The following TYW1 variants were observed in gnomAD, a reference collection of about 807,000 sequenced individuals.
The protein encoded by TYW1 is tRNA-yW synthesizing protein 1 homolog.
Under a neutral mutation model 96.2 loss-of-function variants are expected in TYW1, and 46 were observed. The observed-to-expected ratio is 0.48, with a 90% CI of 0.38 to 0.61. The LOEUF (loss-of-function observed/expected upper bound fraction) is 0.61. Ranked by LOEUF, TYW1 falls within the 20% of genes least tolerant of loss-of-function variation. TYW1 has a pLI of 0.00. For missense variants in TYW1, 684 were observed against 909.6 expected, an observed-to-expected ratio of 0.75 and a Z score of 3.19; for synonymous variants, 274 against 323.0, an observed-to-expected ratio of 0.85 and a Z score of 1.63.
At position 67,014,384 on chromosome 7, in the gene TYW1, C is replaced by T; in HGVS notation, c.393C>T (p.Val131=). 1 of 1,607,984 alleles carries T rather than the reference C, an allele frequency of 6.2e-7. No individual in the cohort carries two copies. The highest frequency in any genetic ancestry group is 8.5e-7 in the Non-Finnish European group (1 of 1,176,426). The change falls in exon 5 of 16, where the codon GTC becomes GTT. Residue 131 remains valine (V), a synonymous_variant. Coordinates refer to ENST00000359626, the MANE Select transcript of TYW1 (RefSeq NM_018264.4). ...HLIEEVTSKN[V]CVFLVATYTD... ...TTGGTTAGGTGACTAGTAAAAATGTCTGTGTCTTCCTGGTTGCGACATACA... is the reference window on the plus strand; with the variant it reads ...TTGGTTAGGTGACTAGTAAAAATGTTTGTGTCTTCCTGGTTGCGACATACA...
intron 15 of TYW1, among the ~76,000 whole-genome samples, chr7:67,231,306 A>G (rs975196787): frequency 2.6e-5 from 4 of 152,190 alleles, no homozygotes; most frequent in African/African-American, 9.6e-5. Context: ...AAGTCTCTGC[A>G]GGACACTTAC....
At chr7:67,011,503 C>G (rs549060106) in intron 4 of TYW1, among the ~76,000 whole-genome samples, 1 of 152,322 alleles carries the variant, frequency 6.6e-6, no homozygotes, top group South Asian at 2.1e-4. Context: ...GCTAGAAATG[C>G]AGAATCTCAG....
At chr7:67,219,566 A>T (rs1171372276) in intron 15 of TYW1, among the ~76,000 whole-genome samples, 1 of 152,230 alleles carries the variant, frequency 6.6e-6, no homozygotes, top group Non-Finnish European at 1.5e-5. Context: ...TCTCCGTAAT[A>T]GTTATAAGTC....
intron 6 of TYW1, among the ~76,000 whole-genome samples, chr7:67,018,894 T>C (rs1210187589): frequency 2.7e-5 from 4 of 146,340 alleles, no homozygotes; most frequent in Admixed American, 2.1e-4. Flanking sequence ...AGGTGGAGGT[T>C]CCAGTGATCT....
intron 11 of TYW1, among the ~76,000 whole-genome samples, chr7:67,093,406 G>A (rs1219636382): frequency 6.6e-6 from 1 of 152,156 alleles, no homozygotes. Context: ...CTACCTTCGC[G>A]GTGGAGCTAG....
chr7:67,046,724 G>A (rs1243062260), intron 7 of TYW1, among the ~76,000 whole-genome samples: 3 of 152,144 alleles, frequency 2.0e-5, no homozygotes, highest in African/African-American at 2.4e-5. Context: ...TTTCAGAAAC[G>A]AAATTACTAC....
intron 10 of TYW1, among the ~76,000 whole-genome samples, chr7:67,079,088 TA>T (rs1338251302): frequency 1.3e-5 from 2 of 152,236 alleles, no homozygotes; most frequent in African/African-American, 4.8e-5. Flanking sequence ...TTCAGGGTAA[TA>T]CTGGCCTCGT....
chr7:67,166,470 A>G (rs1465011785), intron 13 of TYW1, among the ~76,000 whole-genome samples: 1 of 151,336 alleles, frequency 6.6e-6, no homozygotes, highest in Admixed American at 6.6e-5. Flanking sequence ...AAATGAACAC[A>G]GCCAGCAAAT....
At chr7:67,197,988 C>T (rs1159273791) in intron 15 of TYW1, among the ~76,000 whole-genome samples, 1 of 142,306 alleles carries the variant, frequency 7.0e-6, no homozygotes, top group Non-Finnish European at 1.5e-5. Flanking sequence ...TACACGTGCA[C>T]GCATCGTCTT....
At chr7:67,142,184 C>T (rs1041562808) in intron 13 of TYW1, among the ~76,000 whole-genome samples, 4 of 152,000 alleles carry the variant, frequency 2.6e-5, no homozygotes, top group Non-Finnish European at 5.9e-5. Flanking sequence ...CAGCCTTGAA[C>T]CCCTGGGCTC....
intron 13 of TYW1, among the ~76,000 whole-genome samples, chr7:67,167,959 T>G (rs1454474249): frequency 1.3e-5 from 2 of 152,088 alleles, no homozygotes; most frequent in African/African-American, 4.8e-5. Flanking sequence ...TTCACCATCT[T>G]GGCCAGGCTT....
intron 12 of TYW1, among the ~76,000 whole-genome samples, chr7:67,110,684 T>A (rs1797376743): frequency 6.6e-6 from 1 of 152,206 alleles, no homozygotes; most frequent in Non-Finnish European, 1.5e-5. Context: ...GAGAGGTATC[T>A]GATTTCCAGA....
At chr7:67,056,252 G>C (rs1236291972) in intron 9 of TYW1, among the ~76,000 whole-genome samples, 2 of 152,088 alleles carry the variant, frequency 1.3e-5, no homozygotes, top group African/African-American at 2.4e-5. Flanking sequence ...TAGCACTTTC[G>C]GAGGCCAGGT....
chr7:67,076,860 C>T (rs928378059), intron 10 of TYW1, among the ~76,000 whole-genome samples: 1 of 151,078 alleles, frequency 6.6e-6, no homozygotes, highest in African/African-American at 2.4e-5. Context: ...CTGCAACCTC[C>T]ACCTCCCAGG....
intron 9 of TYW1, among the ~76,000 whole-genome samples, chr7:67,065,837 C>T (rs1379050407): frequency 6.6e-6 from 1 of 151,944 alleles, no homozygotes; most frequent in East Asian, 1.9e-4. Flanking sequence ...ATGGTAAAAC[C>T]CTGTATCTAC....
chr7:67,061,148 A>G (rs1277248589), intron 9 of TYW1, among the ~76,000 whole-genome samples: 1 of 152,128 alleles, frequency 6.6e-6, no homozygotes, highest in Non-Finnish European at 1.5e-5. Context: ...AAATCATTTG[A>G]ACCCGGGAGG....
chr7:67,070,511 G>T (rs949632065), intron 10 of TYW1, among the ~76,000 whole-genome samples: 1 of 151,308 alleles, frequency 6.6e-6, no homozygotes, highest in Admixed American at 6.6e-5. Flanking sequence ...GTTTTTCTTT[G>T]GCCTGTTCAA....
intron 15 of TYW1, among the ~76,000 whole-genome samples, chr7:67,204,966 A>G (rs891285525): frequency 6.6e-6 from 1 of 152,210 alleles, no homozygotes; most frequent in Non-Finnish European, 1.5e-5. Context: ...TTAATCAGAT[A>G]ATACCAACGC....
At chr7:67,104,439 G>A (rs577018186) in intron 12 of TYW1, among the ~76,000 whole-genome samples, 4 of 152,288 alleles carry the variant, frequency 2.6e-5, no homozygotes, top group East Asian at 1.9e-4. Context: ...ACCAGATTTC[G>A]TGAGAACTTA....
Sources: gnomAD v4.1 joint callset for allele counts (sites outside exome capture counted in the v4.1 genomes callset) on GRCh38, gnomAD v4.1.1 for gene constraint, MANE v1.5 for transcripts, NCBI Gene and HGNC (gene_info 2026-07-23, HGNC 2026-07-21) for gene names.